Variants in ERICH1 observed in about 807,000 individuals in gnomAD.
ERICH1 encodes the protein glutamate-rich protein 1.
In ERICH1, 56 loss-of-function variants were observed where a neutral mutation model predicts 39.6. The observed-to-expected ratio is 1.41, with a 90% CI of 1.14 to 1.77. ERICH1 has a LOEUF of 1.77. Ranked by LOEUF, ERICH1 falls within the 40% of genes most tolerant of loss-of-function variation. The pLI, the probability that ERICH1 is intolerant of heterozygous loss-of-function variation, is 0.00. For missense variants in ERICH1, 826 were observed against 575.4 expected, an observed-to-expected ratio of 1.44 and a Z score of -4.45; for synonymous variants, 313 against 223.6, an observed-to-expected ratio of 1.40 and a Z score of -3.57.
At chr8:698,409 G>C (rs1250719272) in intron 2 of ERICH1, among the ~76,000 whole-genome samples, 2 of 151,932 alleles carry the variant, frequency 1.3e-5, no homozygotes, top group African/African-American at 4.8e-5. Context: ...AGTAGAGACA[G>C]GGTTTCACCA....
At chr8:729,524 T>TC (rs1819525941) in intron 1 of ERICH1, among the ~76,000 whole-genome samples, 1 of 152,186 alleles carries the variant, frequency 6.6e-6, no homozygotes, top group Non-Finnish European at 1.5e-5. Context: ...AGCTAAATCC[T>TC]CCCTTCAGTG....
chr8:672,272 G>C (rs563206169), intron 4 of ERICH1: 1 of 152,348 alleles, frequency 6.6e-6, no homozygotes, highest in South Asian at 2.1e-4. Flanking sequence ...ACTTTGCAGT[G>C]TCTTAGCCAT....
At chr8:697,569 C>T (rs1810617858) in intron 2 of ERICH1, among the ~76,000 whole-genome samples, 1 of 152,194 alleles carries the variant, frequency 6.6e-6, no homozygotes, top group Non-Finnish European at 1.5e-5. Flanking sequence ...GTCCCCTCAC[C>T]TGGCACGGAG....
In ERICH1 at chr8:678,615, C is replaced by T. The variant is rs566800072; in HGVS notation, c.305-4568G>A. Among the ~76,000 whole-genome samples the T allele has an allele frequency of 2.0e-5, 3 of 152,308 alleles. No individual in the cohort carries two copies. In the South Asian group the frequency reaches 6.2e-4, roughly 32 times the overall value. The stretch of plus-strand genomic sequence containing the variant: ...ACGAGGTCAGGAGATTGAGACCATC[C>T]TGGCTAACACGGTGAAACCCAGTCT... On this transcript the variant is annotated intron_variant, in intron 3 of 5. Coordinates refer to ENST00000262109, the MANE Select transcript of ERICH1 (RefSeq NM_207332.3).
At position 702,974 on chromosome 8, in the gene ERICH1, G is replaced by A. The variant is rs76365792; in HGVS notation, c.170-10362C>T. ...AGGGCCCAAGAAGCTGCAGAGAGCC[G>A]GAGGCCCAGAACTGCCCACACCACC... On this transcript the variant is annotated intron_variant, in intron 2 of 5. Coordinates refer to ENST00000262109, the MANE Select transcript of ERICH1 (RefSeq NM_207332.3). Among the ~76,000 whole-genome samples the A allele has an allele frequency of 9.3e-3, 1,414 of 152,330 alleles. 17 individuals are homozygous for A. Among genetic ancestry groups the A allele is most frequent in the African/African-American group, 0.033 (1,355 of 41,564 alleles).
Position 668,804 on chromosome 8 carries a change from C to A in ERICH1, c.1064-12G>T. 1.3e-6 allele frequency: 2 copies of A among 1,576,418 alleles called. No individual in the cohort carries two copies. The highest frequency in any genetic ancestry group is 1.7e-6 in the Non-Finnish European group (2 of 1,163,396). ...ATCTCTGGAGACACCTACATAAAGT[C>A]AGTTTTGCTTGGAAATACAGTTTTG... is the stretch of plus-strand genomic sequence containing the variant. On this transcript the variant is annotated splice_polypyrimidine_tract_variant and intron_variant, in intron 4 of 5. Transcript: ENST00000262109.
chr8:692,012 A>G (rs1376876952), intron 3 of ERICH1, among the ~76,000 whole-genome samples: 1 of 152,244 alleles, frequency 6.6e-6, no homozygotes, highest in African/African-American at 2.4e-5. Context: ...GACATGCAAC[A>G]ACAATAGGAA....
chr8:616,495 C>T (rs1796905709), intron 3 of ERICH1: 1 of 455,838 alleles, frequency 2.2e-6, no homozygotes, highest in East Asian at 7.0e-5. Context: ...ACGGCCAGAG[C>T]ACTGCTCCCA....
intron 4 of ERICH1, chr8:671,705 C>T (rs1803459426): frequency 6.6e-6 from 1 of 151,580 alleles, no homozygotes; most frequent in Non-Finnish European, 1.3e-5. Flanking sequence ...AGGCTGCGAC[C>T]TCTGAACCTG....
chr8:635,178 G>C (rs926357090), intron 3 of ERICH1, among the ~76,000 whole-genome samples: 4 of 152,046 alleles, frequency 2.6e-5, no homozygotes, highest in African/African-American at 9.7e-5. Flanking sequence ...GGTGACCTCT[G>C]TTCAGGAAAC....
At chr8:696,989 C>T (rs971411772) in intron 2 of ERICH1, among the ~76,000 whole-genome samples, 9 of 152,178 alleles carry the variant, frequency 5.9e-5, no homozygotes, top group African/African-American at 2.2e-4. Context: ...GCTCCTCTTA[C>T]CCTCCACTCC....
chr8:615,044 G>T (rs945463432), exon 4 of ERICH1: 3 of 463,756 alleles, frequency 6.5e-6, no homozygotes, highest in South Asian at 9.5e-5. Flanking sequence ...ACGTGGCTAC[G>T]CTCCCAGCAG....
intron 3 of ERICH1, chr8:627,138 G>A (rs4735892): frequency 2.0e-5 from 9 of 456,188 alleles, no homozygotes; most frequent in Admixed American, 1.4e-4. Flanking sequence ...ATATTGGGAA[G>A]ACAGACAGCA....
chr8:624,299 T>C (rs142513864), intron 3 of ERICH1, among the ~76,000 whole-genome samples: 2 of 152,066 alleles, frequency 1.3e-5, no homozygotes, highest in East Asian at 1.9e-4. Context: ...ACCAAGGAAA[T>C]GCATACTTTC....
intron 3 of ERICH1, chr8:627,078 AGGACGGG>A: frequency 2.2e-6 from 1 of 454,658 alleles, no homozygotes; most frequent in East Asian, 7.0e-5. Context: ...GGGCTCCAGC[AGGACGGG>A]GATGGACGTA....
chr8:706,659 A>G (rs1813348871), intron 2 of ERICH1, among the ~76,000 whole-genome samples: 1 of 152,128 alleles, frequency 6.6e-6, no homozygotes, highest in Non-Finnish European at 1.5e-5. Flanking sequence ...CACGCATGTA[A>G]TCCCAGCTAC....
At chr8:634,863 T>C (rs900284645) in intron 3 of ERICH1, among the ~76,000 whole-genome samples, 2 of 152,208 alleles carry the variant, frequency 1.3e-5, no homozygotes, top group South Asian at 4.1e-4. Context: ...TGCAGCTCTA[T>C]AGCCTCTCTC....
intron 3 of ERICH1, among the ~76,000 whole-genome samples, chr8:619,120 A>G (rs1335819395): frequency 1.3e-5 from 2 of 151,876 alleles, no homozygotes; most frequent in Non-Finnish European, 2.9e-5. Flanking sequence ...ACAGATGTGG[A>G]AAAGAAAATG....
At chr8:726,537 C>T (rs561784812) in intron 1 of ERICH1, among the ~76,000 whole-genome samples, 3 of 150,786 alleles carry the variant, frequency 2.0e-5, no homozygotes, top group African/African-American at 7.3e-5. Flanking sequence ...CATGTACACA[C>T]ACACCACACA....
Sources: allele counts gnomAD v4.1 joint callset (sites outside exome capture counted in the v4.1 genomes callset), GRCh38; gene constraint gnomAD v4.1.1; transcripts MANE v1.5; gene names NCBI Gene and HGNC (gene_info 2026-07-23, HGNC 2026-07-21).